Variants in DCAF5 observed in about 807,000 individuals in gnomAD.
DCAF5 encodes the protein DDB1 and CUL4 associated factor 5.
Under a neutral mutation model 80.7 loss-of-function variants are expected in DCAF5, and 9 were observed. The observed-to-expected ratio is 0.11, with a 90% CI of 0.07 to 0.19. The LOEUF (loss-of-function observed/expected upper bound fraction) is 0.19, where lower values mean the gene tolerates loss of function less well. Among genes scored for constraint, DCAF5 ranks in the 10% least tolerant of loss-of-function variants. The pLI is 1.00. For synonymous variants in DCAF5, 433 were observed against 461.9 expected, an observed-to-expected ratio of 0.94 and a Z score of 0.80; for missense variants, 842 against 1,205.7, an observed-to-expected ratio of 0.70 and a Z score of 4.47.
intron 4 of DCAF5, 116 bp from the exon 5 acceptor site, chr14:69,116,611 C>G: frequency 7.8e-7 from 1 of 1,279,252 alleles, no homozygotes; most frequent in Non-Finnish European, 1.1e-6. Context: ...CTCCAACGGC[C>G]TGGAGCCCCA....
rs1298671269 is a variant in DCAF5, at chr14:69,055,036, T to C, written c.1650A>G (p.Pro550=). The C allele has an allele frequency of 1.2e-6, 2 of 1,614,216 alleles. No individual in the cohort carries two copies. Among genetic ancestry groups the C allele is most frequent in the South Asian group, 2.2e-5 (2 of 91,086 alleles). The change falls in exon 9 of 9, where the codon CCA becomes CCG. Residue 550 remains proline (P), a synonymous_variant. Transcript: ENST00000341516. This position sits in a 1 kb window ranked among gnomAD's most constrained non-coding sequence, Gnocchi z 5.6. ...VELDTDLFPR[P]RSPSPEDESS... ...ATTCATCTTCGGGGCTGGGTGACCG[T>C]GGCCGGGGAAAGAGATCTGTGTCTA...
At chr14:69,148,597 A>AG (rs1414442891) in intron 1 of DCAF5, among the ~76,000 whole-genome samples, 1 of 152,170 alleles carries the variant, frequency 6.6e-6, no homozygotes, top group African/African-American at 2.4e-5. Flanking sequence ...CAGGAGGCTG[A>AG]GGCAGGAGAC....
intron 1 of DCAF5, chr14:69,149,323 G>A (rs1321000299): frequency 6.6e-6 from 1 of 152,136 alleles, no homozygotes; most frequent in African/African-American, 2.4e-5. Flanking sequence ...GCCCCTTTCT[G>A]GTCATAAACA....
chr14:69,093,387 G>C (rs545713493), intron 5 of DCAF5, among the ~76,000 whole-genome samples: 20 of 152,272 alleles, frequency 1.3e-4, no homozygotes, highest in African/African-American at 3.9e-4. Context: ...CCTGAAAAGG[G>C]CCTCAAGATG....
intron 6 of DCAF5, chr14:69,084,355 T>C: frequency 1.1e-6 from 1 of 931,570 alleles, no homozygotes; most frequent in Admixed American, 1.7e-5. Flanking sequence ...TGTATAAAAA[T>C]CTGCAGTGTC....
intron 2 of DCAF5, 57 bp downstream of exon 2, chr14:69,122,160 C>T (rs2040742939): frequency 6.3e-6 from 10 of 1,579,154 alleles, no homozygotes; most frequent in Middle Eastern, 1.7e-4. Flanking sequence ...TTTTCGCACT[C>T]TTTTCTCTAA....
At chr14:69,139,753 C>A (rs1362040022) in intron 1 of DCAF5, among the ~76,000 whole-genome samples, 1 of 150,316 alleles carries the variant, frequency 6.7e-6, no homozygotes, top group African/African-American at 2.5e-5. Context: ...GAGGTGGCGA[C>A]TGCAGTGAGT....
chr14:69,132,940 TCA>T (rs2041084217), intron 1 of DCAF5, among the ~76,000 whole-genome samples: 1 of 152,226 alleles, frequency 6.6e-6, no homozygotes, highest in South Asian at 2.1e-4. Context: ...ACTACTTATT[TCA>T]CAGTGTTACT....
intron 1 of DCAF5, among the ~76,000 whole-genome samples, chr14:69,141,888 T>G (rs2041387376): frequency 6.6e-6 from 1 of 152,168 alleles, no homozygotes. Flanking sequence ...TCCCAGCCCT[T>G]TGGAATATAA....
intron 1 of DCAF5, among the ~76,000 whole-genome samples, chr14:69,138,867 C>G (rs2041268621): frequency 6.6e-6 from 1 of 152,164 alleles, no homozygotes; most frequent in African/African-American, 2.4e-5. Flanking sequence ...ATTCTAGGGC[C>G]AGGCACAGTG....
At position 69,055,366 on chromosome 14, in the gene DCAF5, C is replaced by G; in HGVS notation, c.1320G>C (p.Glu440Asp). The stretch of plus-strand genomic sequence containing the variant: ...CAGCGTGCAGTTGGAGGATAGTACT[C>G]TCACTGAGGTCACTGTCTGAGTCAG... ...WSSDSDSDLS[E>D]STILQLHAGV... is the part of the protein sequence containing the mutation. Residue 440 changes from glutamate (E) to aspartate (D), a missense_variant, in exon 9 of 9, where the codon GAG (glutamate) becomes GAC (aspartate). Transcript: ENST00000341516. This position sits in a 1 kb window ranked among gnomAD's most constrained non-coding sequence, Gnocchi z 5.6. 2 of 1,614,190 alleles carry G rather than the reference C, an allele frequency of 1.2e-6. No homozygotes were observed. Among genetic ancestry groups the G allele is most frequent in the Non-Finnish European group, 1.7e-6 (2 of 1,180,032 alleles).
rs1209586957 is a variant in DCAF5 at position 69,054,530 on chromosome 14, C to A, written c.2156G>T (p.Arg719Met). ...GCCTTCAGGTGGCAGGTCCTGGTTC[C>A]TCTGGGCCATTGCTATGTTTAGACA... ...EACLNIAMAQ[R>M]NQDLPPEGCS... Residue 719 changes from arginine (R) to methionine (M), a missense_variant, in exon 9 of 9, where the codon AGG (arginine) becomes ATG (methionine). Arg to Met is a moderately conservative substitution (Grantham distance 91, BLOSUM62 -1). This residue lies in a region of DCAF5 where 607 missense variants were observed against 656.6 expected (regional missense o/e 0.92). Coordinates refer to ENST00000341516, the MANE Select transcript of DCAF5 (RefSeq NM_003861.3). 1.2e-6 allele frequency: 2 copies of A among 1,614,072 alleles called. No individual in the cohort carries two copies. Among genetic ancestry groups the A allele is most frequent in the Non-Finnish European group, 1.7e-6 (2 of 1,180,040 alleles).
chr14:69,142,489 A>G (rs1401911946), intron 1 of DCAF5, among the ~76,000 whole-genome samples: 1 of 152,220 alleles, frequency 6.6e-6, no homozygotes, highest in Non-Finnish European at 1.5e-5. Flanking sequence ...ACAGAAGCAG[A>G]GTGACGTTGT....
intron 5 of DCAF5, among the ~76,000 whole-genome samples, chr14:69,096,875 C>T (rs1228340110): frequency 5.9e-5 from 9 of 152,108 alleles, no homozygotes; most frequent in African/African-American, 1.4e-4. Context: ...CAGCCCTGAC[C>T]TCACAGTGCA....
At chr14:69,143,553 C>CTTTTTT (rs562355110) in intron 1 of DCAF5, among the ~76,000 whole-genome samples, 9 of 102,200 alleles carry the variant, frequency 8.8e-5, no homozygotes, top group African/African-American at 2.3e-4. Flanking sequence ...ATCTGTTAAA[C>CTTTTTT]TTTTTTTTTT....
Position 69,054,434 on chromosome 14 carries a change from CTGCTG to C in DCAF5, c.2247_2251del (p.His749GlnfsTer18). The C allele has an allele frequency of 6.2e-7, 1 of 1,614,094 alleles. No homozygotes were observed. Among genetic ancestry groups the C allele is most frequent in the Non-Finnish European group, 8.5e-7 (1 of 1,180,044 alleles). The stretch of plus-strand genomic sequence containing the variant: ...CTCTGGCACCTCTGCCCAAGCATGG[CTGCTG>C]TGCTCATGGCCTGGGCCATTGCTGG... On this transcript the variant is annotated frameshift_variant, in exon 9 of 9. Coordinates refer to ENST00000341516, the MANE Select transcript of DCAF5 (RefSeq NM_003861.3). LOFTEE classifies it high-confidence loss of function.
intron 7 of DCAF5, among the ~76,000 whole-genome samples, chr14:69,065,814 G>A (rs2038415444): frequency 1.3e-5 from 2 of 152,160 alleles, no homozygotes. Flanking sequence ...ATCAGACCAT[G>A]CTGGTCAATA....
At chr14:69,070,616 CACTGGCTCTATATGT>C (rs1337257170) in intron 7 of DCAF5, among the ~76,000 whole-genome samples, 1 of 152,120 alleles carries the variant, frequency 6.6e-6, no homozygotes, top group Non-Finnish European at 1.5e-5. Flanking sequence ...CAATATGTAA[CACTGGCTCTATATGT>C]AACTGCTGGT....
intron 8 of DCAF5, 78 bp downstream of exon 8, chr14:69,062,306 T>TAC (rs1276641529): frequency 6.8e-7 from 1 of 1,479,966 alleles, no homozygotes; most frequent in African/African-American, 1.4e-5. Context: ...TATGAGGTCC[T>TAC]ACATAAATTG....
Sources: gnomAD v4.1 joint callset for allele counts (sites outside exome capture counted in the v4.1 genomes callset) on GRCh38, gnomAD v4.1.1 for gene constraint, gnomAD v4.1.1 regional missense constraint, Gnocchi (gnomAD v3.1) non-coding constraint, MANE v1.5 for transcripts, NCBI Gene and HGNC (gene_info 2026-07-23, HGNC 2026-07-21) for gene names.